The following NME9 variants were observed in gnomAD, a reference collection of about 807,000 sequenced individuals.
NME9 encodes NME/NM23 family member 9, also known as thioredoxin domain-containing protein 6.
In NME9, 48 loss-of-function variants were observed where a neutral mutation model predicts 44.4. The ratio of observed to expected loss-of-function variants is 1.08; its 90% CI spans 0.86 to 1.37. The LOEUF (loss-of-function observed/expected upper bound fraction) is 1.37, where lower values mean the gene tolerates loss of function less well. Among genes scored for constraint, NME9 ranks in the 40% most tolerant of loss-of-function variants. NME9 has a pLI of 0.00. For missense variants in NME9, 325 were observed against 405.2 expected, an observed-to-expected ratio of 0.80 and a Z score of 1.70; for synonymous variants, 139 against 147.1, an observed-to-expected ratio of 0.94 and a Z score of 0.40.
intron 8 of NME9, among the ~76,000 whole-genome samples, chr3:138,273,497 C>G (rs2048975988): frequency 1.3e-5 from 2 of 152,168 alleles, no homozygotes; most frequent in African/African-American, 4.8e-5. Flanking sequence ...TTAGAGAATT[C>G]TCAGAGCCAT....
rs1453977154 is a variant in NME9 at position 138,315,597 on chromosome 3, A to G, written c.314T>C (p.Leu105Pro). The change falls in exon 5 of 11, where the codon CTG (leucine) becomes CCG (proline). Residue 105 changes from leucine to proline, a missense_variant. By Grantham distance (98) the Leu-to-Pro change is moderately conservative. Coordinates refer to ENST00000333911, the MANE Select transcript of NME9 (RefSeq NM_001349018.2). Reference sequence around the variant, plus strand: ...CAGCTGGTCTAGGATGGTTTTCTGCAGCAGTGGGGCATTTGCTCCTCTAAC... The same window carrying G: ...CAGCTGGTCTAGGATGGTTTTCTGCGGCAGTGGGGCATTTGCTCCTCTAAC... ...AVVRGANAPLLQKTILDQLEA... is the reference protein window; with the variant it reads ...AVVRGANAPLPQKTILDQLEA... 46 of 1,536,704 alleles carry G rather than the reference A, an allele frequency of 3.0e-5. No homozygotes were observed. Among genetic ancestry groups the G allele is most frequent in the Admixed American group, 5.9e-5 (3 of 51,002 alleles).
At chr3:138,315,452 G>T in intron 5 of NME9, 75 bp downstream of exon 5, 1 of 980,322 alleles carries the variant, frequency 1.0e-6, no homozygotes, top group Non-Finnish European at 1.5e-6. Flanking sequence ...GTCAGGTGAA[G>T]GAGATGGGGA....
chr3:138,264,770 A>G (rs971350227), intron 8 of NME9, among the ~76,000 whole-genome samples: 1 of 146,178 alleles, frequency 6.8e-6, no homozygotes, highest in Non-Finnish European at 1.6e-5. Context: ...TGATCTCCCT[A>G]TTTGTTTAAT....
intron 6 of NME9, among the ~76,000 whole-genome samples, chr3:138,309,943 C>T (rs2052575552): frequency 6.6e-6 from 1 of 151,764 alleles, no homozygotes; most frequent in South Asian, 2.1e-4. Flanking sequence ...AGGAGAATCG[C>T]TTGAACCCAG....
Position 138,329,406 on chromosome 3 carries a change from G to A in NME9, c.-71C>T. ...TTCCCCCGCAGCCTCGCGACAAACC[G>A]CTGCGTGGATCAGCAAGCCCAGAGC... On this transcript the variant is annotated 5_prime_UTR_variant, in exon 1 of 11. Coordinates refer to ENST00000333911, the MANE Select transcript of NME9 (RefSeq NM_001349018.2). 1 of 1,534,366 alleles carries A rather than the reference G, an allele frequency of 6.5e-7. No homozygotes were observed. Among genetic ancestry groups the A allele is most frequent in the South Asian group, 1.2e-5 (1 of 83,788 alleles).
At chr3:138,328,482 G>A (rs2053929746) in intron 1 of NME9, among the ~76,000 whole-genome samples, 1 of 151,954 alleles carries the variant, frequency 6.6e-6, no homozygotes. Context: ...AGAGAAACCA[G>A]ATGTCTCAAA....
downstream of NME9, among the ~76,000 whole-genome samples, chr3:138,300,480 T>C (rs907076972): frequency 5.3e-5 from 8 of 152,146 alleles, no homozygotes; most frequent in Non-Finnish European, 1.0e-4. Context: ...TCTCCTCAGA[T>C]AGGAAAAAGT....
chr3:138,323,279 G>C (rs1236661863), intron 2 of NME9, among the ~76,000 whole-genome samples: 3 of 152,224 alleles, frequency 2.0e-5, no homozygotes, highest in African/African-American at 7.2e-5. Flanking sequence ...AGCTGGGTGT[G>C]ATAGAATGTG....
intron 5 of NME9, 25 bp from the exon 6 acceptor site, chr3:138,314,432 A>T: frequency 4.1e-6 from 6 of 1,449,558 alleles, no homozygotes; most frequent in Non-Finnish European, 5.8e-6. Flanking sequence ...TCATTAAAAG[A>T]AAGTAGTTAG....
intron 9 of NME9, among the ~76,000 whole-genome samples, chr3:138,303,958 C>A (rs1415388540): frequency 6.6e-6 from 1 of 152,154 alleles, no homozygotes; most frequent in Non-Finnish European, 1.5e-5. Flanking sequence ...ACAGGAGCTG[C>A]CATTTTTTCG....
intron 8 of NME9, chr3:138,273,253 G>A: frequency 5.2e-6 from 5 of 962,558 alleles, no homozygotes; most frequent in Non-Finnish European, 7.6e-6. Flanking sequence ...GAAACAAGGA[G>A]TTGATGTCTA....
Position 138,329,534 on chromosome 3 carries a change from G to A in NME9, c.-199C>T, listed in dbSNP as rs1016310540. The stretch of plus-strand genomic sequence containing the variant: ...TGATACAAAGTGAACACCCCGCGAG[G>A]AAGCGGAGCCTGCAGTCCACGGGCT... On this transcript the variant is annotated 5_prime_UTR_variant, in exon 1 of 11. Transcript: ENST00000333911. The A allele has an allele frequency of 1.5e-6, 2 of 1,373,844 alleles. No homozygotes were observed. The highest frequency in any genetic ancestry group is 3.0e-5 in the African/African-American group (2 of 66,852). The allele number at this position is 1,373,844 out of a possible 1,614,324, so 85.1% of individuals were successfully genotyped here. A position where few individuals can be genotyped will look rare whatever the true frequency, so the allele number is the denominator to read the frequency against.
At chr3:138,278,310 C>G (rs1371992056) in intron 8 of NME9, among the ~76,000 whole-genome samples, 1 of 151,970 alleles carries the variant, frequency 6.6e-6, no homozygotes, top group Non-Finnish European at 1.5e-5. Flanking sequence ...AGTTCAGGAC[C>G]AGCCTAGCAA....
At chr3:138,295,946 C>T (rs2051448261) in intron 8 of NME9, 1 of 1,582,766 alleles carries the variant, frequency 6.3e-7, no homozygotes, top group Non-Finnish European at 8.6e-7. Context: ...TAAGGAAGTA[C>T]AGGAACCAGC....
At chr3:138,300,138 C>G (rs1358669164), downstream of NME9, among the ~76,000 whole-genome samples, 1 of 152,158 alleles carries the variant, frequency 6.6e-6, no homozygotes, top group Non-Finnish European at 1.5e-5. Context: ...TCAGTGAGGG[C>G]TCTGTTGGGC....
chr3:138,273,163 C>T, intron 8 of NME9: 2 of 1,525,064 alleles, frequency 1.3e-6, no homozygotes, highest in Non-Finnish European at 1.8e-6. Flanking sequence ...CCTGCATATG[C>T]ATTGCAAGAC....
intron 6 of NME9, among the ~76,000 whole-genome samples, chr3:138,311,619 A>G (rs550653480): frequency 6.6e-6 from 1 of 152,366 alleles, no homozygotes; most frequent in East Asian, 1.9e-4. Flanking sequence ...CAAATCATTA[A>G]CAGAACCAAG....
At chr3:138,321,648 T>C (rs1222761175) in intron 2 of NME9, among the ~76,000 whole-genome samples, 2 of 152,090 alleles carry the variant, frequency 1.3e-5, no homozygotes, top group African/African-American at 4.8e-5. Flanking sequence ...AATTCAGCAG[T>C]GTTCATTGGT....
downstream of NME9, among the ~76,000 whole-genome samples, chr3:138,300,290 G>T (rs1302363497): frequency 6.6e-6 from 1 of 152,138 alleles, no homozygotes; most frequent in Non-Finnish European, 1.5e-5. Flanking sequence ...CCAACTGTGG[G>T]GACTGACTTA....
Sources: allele counts gnomAD v4.1 joint callset (sites outside exome capture counted in the v4.1 genomes callset), GRCh38; gene constraint gnomAD v4.1.1; transcripts MANE v1.5; gene names NCBI Gene and HGNC (gene_info 2026-07-23, HGNC 2026-07-21).